SLC14A1: variants seen among roughly 807,000 people sequenced by gnomAD.
The protein encoded by SLC14A1 is urea transporter 1.
SLC14A1 carries 36 observed loss-of-function variants against 39.6 expected under a neutral mutation model. That is an observed-to-expected ratio of 0.91 (90% CI 0.70 to 1.20). The LOEUF is 1.20. Ranked by LOEUF, SLC14A1 falls within the 50% of genes most tolerant of loss-of-function variation. SLC14A1 has a pLI of 0.00. For missense variants in SLC14A1, 469 were observed against 478.7 expected (o/e 0.98, Z 0.19); for synonymous variants, 164 against 173.6 (o/e 0.94, Z 0.43).
chr18:45,750,179 C>T lies in SLC14A1; in HGVS notation c.*228C>T. 1.4e-6 allele frequency: 2 copies of T among 1,425,864 alleles called. No homozygotes were observed. The highest frequency in any genetic ancestry group is 1.8e-6 in the Non-Finnish European group (2 of 1,095,188). 88.3% of individuals were successfully genotyped at this position (1,425,864 alleles called of 1,614,324 possible). Reference sequence around the variant, plus strand: ...TGTGCTCTGGTATGGAATTTGAAACCCCAATGGGGCCTTGGCACTAAGACT... The same window carrying T: ...TGTGCTCTGGTATGGAATTTGAAACTCCAATGGGGCCTTGGCACTAAGACT... On this transcript the variant is annotated 3_prime_UTR_variant, in exon 10 of 10. Transcript: ENST00000321925.
chr18:45,733,664 C>T (rs1461416264), intron 4 of SLC14A1, among the ~76,000 whole-genome samples: 5 of 152,222 alleles, frequency 3.3e-5, no homozygotes, highest in Admixed American at 1.3e-4. Context: ...ACTCCCCTTT[C>T]CTCTCAGCCA....
chr18:45,744,221 C>T (rs1195586849), intron 8 of SLC14A1, among the ~76,000 whole-genome samples: 1 of 152,158 alleles, frequency 6.6e-6, no homozygotes, highest in East Asian at 1.9e-4. Context: ...GCCATGTTGG[C>T]CAGGCTGGTC....
chr18:45,742,678 A>ATGTTGTTGT (rs28897969), intron 8 of SLC14A1, among the ~76,000 whole-genome samples: 8 of 149,990 alleles, frequency 5.3e-5, no homozygotes, highest in Admixed American at 5.3e-4. Context: ...TTTTTGTTTT[A>ATGTTGTTGT]TGTTGTTGTT....
chr18:45,746,776 A>T (rs1478992942), intron 8 of SLC14A1, among the ~76,000 whole-genome samples: 1 of 152,230 alleles, frequency 6.6e-6, no homozygotes, highest in African/African-American at 2.4e-5. Context: ...AGCTGTGTTT[A>T]TGGAAATACA....
chr18:45,734,479 T>C (rs1441763524), intron 5 of SLC14A1, 77 bp downstream of exon 5: 5 of 1,508,808 alleles, frequency 3.3e-6, no homozygotes, highest in South Asian at 2.3e-5. Flanking sequence ...AGTTGTTATA[T>C]GGCAGAGTTT....
At chr18:45,748,115 C>A (rs2047601910) in intron 8 of SLC14A1, among the ~76,000 whole-genome samples, 1 of 152,176 alleles carries the variant, frequency 6.6e-6, no homozygotes, top group Admixed American at 6.5e-5. Context: ...GCATTATTTC[C>A]TTTCATCCTC....
intron 8 of SLC14A1, 65 bp from the exon 9 acceptor site, chr18:45,748,311 G>C (rs2047608414): frequency 1.3e-6 from 2 of 1,534,740 alleles, no homozygotes; most frequent in Non-Finnish European, 1.8e-6. Flanking sequence ...TTGGAAGGCA[G>C]CCTTTCCTGT....
At chr18:45,730,695 T>C (rs1446897566) in intron 3 of SLC14A1, among the ~76,000 whole-genome samples, 1 of 152,216 alleles carries the variant, frequency 6.6e-6, no homozygotes. Flanking sequence ...CCTGGCTTCA[T>C]CCTGTAGTTT....
At chr18:45,726,548 G>A (rs1421156222) in intron 2 of SLC14A1, among the ~76,000 whole-genome samples, 3 of 152,098 alleles carry the variant, frequency 2.0e-5, no homozygotes, top group African/African-American at 7.2e-5. Context: ...TAATCCCAGT[G>A]TTTTGGGAGG....
At chr18:45,739,358 T>A (rs2047289806) in intron 7 of SLC14A1, 48 bp downstream of exon 7, 1 of 1,613,484 alleles carries the variant, frequency 6.2e-7, no homozygotes, top group Non-Finnish European at 8.5e-7. Flanking sequence ...CTCCATCCCA[T>A]GCATTGCCTC....
intron 8 of SLC14A1, chr18:45,741,136 C>G (rs1350577546): frequency 1.3e-5 from 2 of 152,270 alleles, no homozygotes; most frequent in Non-Finnish European, 2.9e-5. Context: ...TCCTCTGCTT[C>G]CCTTTTATAG....
chr18:45,749,848 A>G lies in SLC14A1; in HGVS notation c.1067A>G (p.Asn356Ser). The G allele has an allele frequency of 5.6e-6, 9 of 1,614,184 alleles. No homozygotes were observed. Among genetic ancestry groups the G allele is most frequent in the Non-Finnish European group, 7.6e-6 (9 of 1,180,042 alleles). ...TTGTTCCTCATCATGACCACAAAAA[A>G]TTCCAACATCTACAAGATGCCCCTC... The part of the protein sequence containing the change: ...TLLFLIMTTK[N>S]SNIYKMPLSK... The change falls in exon 10 of 10, where the codon AAT becomes AGT. Residue 356 changes from asparagine to serine, a missense_variant. Asn to Ser is a conservative substitution (Grantham distance 46). Coordinates refer to ENST00000321925, the MANE Select transcript of SLC14A1 (RefSeq NM_015865.7).
chr18:45,742,218 G>T (rs151231933), intron 8 of SLC14A1, among the ~76,000 whole-genome samples: 6 of 152,244 alleles, frequency 3.9e-5, no homozygotes, highest in Non-Finnish European at 5.9e-5. Context: ...ATTCTGTTTG[G>T]TGGAAAGTGT....
intron 5 of SLC14A1, among the ~76,000 whole-genome samples, chr18:45,734,777 G>A (rs755161102): frequency 6.6e-6 from 1 of 152,134 alleles, no homozygotes; most frequent in Non-Finnish European, 1.5e-5. Flanking sequence ...TGGAAAGGAG[G>A]AGGAGTAGCA....
At chr18:45,738,510 G>A (rs150172192) in intron 6 of SLC14A1, among the ~76,000 whole-genome samples, 391 of 152,296 alleles carry the variant, frequency 2.6e-3, no homozygotes, top group Non-Finnish European at 4.7e-3. Flanking sequence ...ATGTATTTTT[G>A]TGTTTTGAGA....
intron 2 of SLC14A1, chr18:45,727,542 G>A: frequency 2.5e-6 from 3 of 1,197,720 alleles, no homozygotes; most frequent in Non-Finnish European, 3.4e-6. Context: ...AAAGGCACAG[G>A]GATCTTGGTC....
At position 45,734,370 on chromosome 18, in the gene SLC14A1, G is replaced by GT. The variant is rs2047122125; in HGVS notation, c.440dup (p.Leu147PhefsTer70). 2.5e-6 allele frequency: 4 copies of GT among 1,613,368 alleles called. No individual in the cohort carries two copies. The East Asian group carries it at 8.9e-5, about 36-fold the overall frequency. ...ACAAGGGAGACTATTTCTGGTGGCT[G>GT]TTACTCCCTGTATGTGCTATGTCCA... is the stretch of plus-strand genomic sequence containing the variant. On this transcript the variant is annotated frameshift_variant, in exon 5 of 10. Transcript: ENST00000321925. LOFTEE classifies it high-confidence loss of function.
chr18:45,733,241 A>AAGGGGTTGTAGGAGGT (rs1316836086), intron 4 of SLC14A1, among the ~76,000 whole-genome samples: 1 of 152,194 alleles, frequency 6.6e-6, no homozygotes, highest in Non-Finnish European at 1.5e-5. Flanking sequence ...TACCCCCTCA[A>AAGGGGTTGTAGGAGGT]TCTAAAGAAG....
chr18:45,743,747 A>C (rs900530583), intron 8 of SLC14A1, among the ~76,000 whole-genome samples: 14 of 152,174 alleles, frequency 9.2e-5, no homozygotes, highest in African/African-American at 2.9e-4. Context: ...ACTTATTAAG[A>C]ATCAAGCTTG....
Sources: gnomAD v4.1 joint callset for allele counts (sites outside exome capture counted in the v4.1 genomes callset) on GRCh38, gnomAD v4.1.1 for gene constraint, MANE v1.5 for transcripts, NCBI Gene and HGNC (gene_info 2026-07-23, HGNC 2026-07-21) for gene names.